Variants in KLHDC10 observed in about 807,000 individuals in gnomAD.
KLHDC10 encodes kelch domain-containing protein 10.
Under a neutral mutation model 56.1 loss-of-function variants are expected in KLHDC10, and 24 were observed. That is an observed-to-expected ratio of 0.43 (90% CI 0.31 to 0.60). The LOEUF is 0.60. Ranked by LOEUF, KLHDC10 falls within the 20% of genes least tolerant of loss-of-function variation. The pLI, the probability that KLHDC10 is intolerant of heterozygous loss-of-function variation, is 0.11. For missense variants in KLHDC10, 349 were observed against 567.0 expected (o/e 0.62, Z 3.91); for synonymous variants, 188 against 207.1 (o/e 0.91, Z 0.79).
At chr7:130,124,852 A>C (rs1231509523) in intron 6 of KLHDC10, among the ~76,000 whole-genome samples, 2 of 152,362 alleles carry the variant, frequency 1.3e-5, no homozygotes, top group East Asian at 3.9e-4. Flanking sequence ...CAGCATTATC[A>C]GAATGTCACA....
Position 130,099,948 on chromosome 7 carries a change from A to G in KLHDC10, c.253+2941A>G, listed in dbSNP as rs189278948. Among the ~76,000 whole-genome samples the G allele has an allele frequency of 1.4e-4, 22 of 152,180 alleles. No homozygotes were observed. In the East Asian group the frequency reaches 4.1e-3, roughly 28 times the overall value. ...TGTCTACATACACACACATGCACGCATGTACAATTAGCCGGGTGTGGTGGG... is the reference window on the plus strand; with the variant it reads ...TGTCTACATACACACACATGCACGCGTGTACAATTAGCCGGGTGTGGTGGG... On this transcript the variant is annotated intron_variant, in intron 2 of 9. Transcript: ENST00000335420.
chr7:130,114,005 G>T (rs56923656), intron 2 of KLHDC10, among the ~76,000 whole-genome samples: 22,564 of 152,082 alleles, frequency 0.15, 1,977 homozygotes, highest in East Asian at 0.31. Context: ...CAACACCCGT[G>T]CCTTAAACCA....
At chr7:130,112,982 A>G (rs1796121372) in intron 2 of KLHDC10, among the ~76,000 whole-genome samples, 1 of 152,238 alleles carries the variant, frequency 6.6e-6, no homozygotes, top group African/African-American at 2.4e-5. Context: ...ACATTTAAAA[A>G]AGTAAAACAG....
rs761257272 is a variant in KLHDC10 at position 130,116,739 on chromosome 7, T to C, written c.475+73T>C. 4 of 1,204,210 alleles carry C rather than the reference T, an allele frequency of 3.3e-6. No homozygotes were observed. The highest frequency in any genetic ancestry group is 4.9e-6 in the Non-Finnish European group (4 of 811,900). The allele number at this position is 1,204,210 out of a possible 1,614,324, so 74.6% of individuals were successfully genotyped here. A position where few individuals can be genotyped will look rare whatever the true frequency, so the allele number is the denominator to read the frequency against. On this transcript the variant is annotated intron_variant, in intron 3 of 9. Transcript: ENST00000335420. This position sits in a 1 kb window ranked among gnomAD's most constrained non-coding sequence, Gnocchi z 4.8. ...AGCCAGGTTCAATGTCCCATATTCC[T>C]CATTAATAATTTATAACACTATAAT...
At chr7:130,127,181 C>T (rs1345148592) in intron 7 of KLHDC10, among the ~76,000 whole-genome samples, 1 of 152,234 alleles carries the variant, frequency 6.6e-6, no homozygotes, top group Non-Finnish European at 1.5e-5. Context: ...CAACTCCTGT[C>T]CTTTCCCTCT....
Position 130,122,595 on chromosome 7 carries a change from G to A in KLHDC10, c.779+393G>A, listed in dbSNP as rs537471091. 3.3e-5 allele frequency among the ~76,000 whole-genome samples: 5 copies of A among 152,194 alleles called. No individual in the cohort carries two copies. In the East Asian group the frequency reaches 7.7e-4, roughly 24 times the overall value. On this transcript the variant is annotated intron_variant, in intron 5 of 9. Coordinates refer to ENST00000335420, the MANE Select transcript of KLHDC10 (RefSeq NM_014997.4). ...GAAAGGGTCTCACTCTGTCACCTAG[G>A]CTGGAGTACAGTGACATAATCATGG...
chr7:130,126,070 T>A lies in KLHDC10; in HGVS notation c.931+139T>A, dbSNP rs574063290. 299 of 654,306 alleles carry A rather than the reference T, an allele frequency of 4.6e-4. 1 individual carries two copies. The highest frequency in any genetic ancestry group is 1.3e-3 in the Middle Eastern group (3 of 2,312). 40.5% of individuals were successfully genotyped at this position (654,306 alleles called of 1,614,324 possible). A position where few individuals can be genotyped will look rare whatever the true frequency, so the allele number is the denominator to read the frequency against. ...GGCTGGGCGCATTGTCTCACGCCTA[T>A]AATCTCAGCACTTTGGGAGGCCAAG... On this transcript the variant is annotated intron_variant, in intron 7 of 9. Coordinates refer to ENST00000335420, the MANE Select transcript of KLHDC10 (RefSeq NM_014997.4).
chr7:130,093,701 T>TA (rs1795810462), intron 1 of KLHDC10, among the ~76,000 whole-genome samples: 1 of 152,202 alleles, frequency 6.6e-6, no homozygotes, highest in Non-Finnish European at 1.5e-5. Flanking sequence ...GTCACACTGT[T>TA]ATGTTGCTGG....
At chr7:130,080,038 C>T (rs901294756) in intron 1 of KLHDC10, among the ~76,000 whole-genome samples, 2 of 151,908 alleles carry the variant, frequency 1.3e-5, no homozygotes, top group African/African-American at 4.8e-5. Context: ...AATTCCTGGG[C>T]ACATGCCAAC....
intron 1 of KLHDC10, among the ~76,000 whole-genome samples, chr7:130,079,378 ATACT>A (rs758970011): frequency 1.1e-3 from 169 of 152,226 alleles, no homozygotes; most frequent in Non-Finnish European, 1.7e-3. Context: ...TTTTTAATAA[ATACT>A]TTATTTAAAA....
Position 130,073,293 on chromosome 7 carries a change from C to CTTT in KLHDC10, c.166+2502_166+2504dup, listed in dbSNP as rs768140763. Among the ~76,000 whole-genome samples the CTTT allele has an allele frequency of 4.9e-5, 6 of 122,936 alleles. No individual in the cohort carries two copies. In the East Asian group the frequency reaches 7.1e-4, roughly 15 times the overall value. The allele number at this position is 122,936 out of a possible 152,430, so 80.7% of individuals were successfully genotyped here. A position where few individuals can be genotyped will look rare whatever the true frequency, so the allele number is the denominator to read the frequency against. ...CTTTTGACCTCTAAATCCTATTTGT[C>CTTT]TTTTTTTTTTTTTTTTTTTTGAGAC... On this transcript the variant is annotated intron_variant, in intron 1 of 9. Coordinates refer to ENST00000335420, the MANE Select transcript of KLHDC10 (RefSeq NM_014997.4).
At chr7:130,110,429 A>C (rs1331653958) in intron 2 of KLHDC10, among the ~76,000 whole-genome samples, 1 of 152,214 alleles carries the variant, frequency 6.6e-6, no homozygotes, top group Non-Finnish European at 1.5e-5. Flanking sequence ...CAATGTGGTA[A>C]TGAGGGCCAG....
In KLHDC10 at chr7:130,120,823, G is replaced by C; in HGVS notation, c.550G>C (p.Val184Leu). The C allele has an allele frequency of 6.2e-7, 1 of 1,614,100 alleles. No homozygotes were observed. Among genetic ancestry groups the C allele is most frequent in the Non-Finnish European group, 8.5e-7 (1 of 1,179,998 alleles). Residue 184 changes from valine (V) to leucine (L), a missense_variant, in exon 4 of 10, where the codon GTC becomes CTC. Physicochemically the swap from Val to Leu is conservative, Grantham distance 32. Coordinates refer to ENST00000335420, the MANE Select transcript of KLHDC10 (RefSeq NM_014997.4). This position sits in a 1 kb window ranked among gnomAD's most constrained non-coding sequence, Gnocchi z 5.1. ...ATTTGGAGAGAGCAACGGCAATGACGTCCATGTGTGTAATGTGAAGTATAA... is the reference window on the plus strand; with the variant it reads ...ATTTGGAGAGAGCAACGGCAATGACCTCCATGTGTGTAATGTGAAGTATAA... ...IPFGESNGND[V>L]HVCNVKYKRW...
intron 1 of KLHDC10, among the ~76,000 whole-genome samples, chr7:130,082,264 TA>T (rs1795619172): frequency 6.6e-6 from 1 of 152,074 alleles, no homozygotes; most frequent in Admixed American, 6.6e-5. Context: ...GTTGGGGCTG[TA>T]GTGAGCCGAG....
Position 130,120,807 on chromosome 7 carries a change from G to C in KLHDC10, c.534G>C (p.Glu178Asp), listed in dbSNP as rs770159822. 6.2e-7 allele frequency: 1 copy of C among 1,614,164 alleles called. No individual in the cohort carries two copies. Among genetic ancestry groups the C allele is most frequent in the Non-Finnish European group, 8.5e-7 (1 of 1,180,006 alleles). Residue 178 changes from glutamate (E) to aspartate (D), a missense_variant, in exon 4 of 10, where the codon GAG becomes GAC. Physicochemically the swap from Glu to Asp is conservative, Grantham distance 45. Around this residue, in one of 2 missense-constraint regions of KLHDC10, gnomAD observed 245 missense variants for 470.1 expected, o/e 0.52. Transcript: ENST00000335420. The surrounding 1 kb of genome is among the most constrained non-coding windows in gnomAD (Gnocchi z 5.1). ...VFGGTGIPFG[E>D]SNGNDVHVCN... The stretch of plus-strand genomic sequence containing the variant: ...GAGGTACGGGCATCCCATTTGGAGA[G>C]AGCAACGGCAATGACGTCCATGTGT...
Position 130,132,671 on chromosome 7 carries a change from C to T in KLHDC10, c.*1925C>T, listed in dbSNP as rs1189472347. 1 of 152,366 alleles carries T rather than the reference C, an allele frequency of 6.6e-6. No homozygotes were observed. The highest frequency in any genetic ancestry group is 1.5e-5 in the Non-Finnish European group (1 of 68,168). The allele number at this position is 152,366 out of a possible 1,614,324, so 9.4% of individuals were successfully genotyped here. A position where few individuals can be genotyped will look rare whatever the true frequency, so the allele number is the denominator to read the frequency against. ...GCACTTAACCTCCTGCCACCACTGCCAGGCTTGCTCCTCCGTTCTCTCCCA... is the reference window on the plus strand; with the variant it reads ...GCACTTAACCTCCTGCCACCACTGCTAGGCTTGCTCCTCCGTTCTCTCCCA... On this transcript the variant is annotated 3_prime_UTR_variant, in exon 10 of 10. Coordinates refer to ENST00000335420, the MANE Select transcript of KLHDC10 (RefSeq NM_014997.4).
chr7:130,085,854 AAAT>A, intron 1 of KLHDC10, among the ~76,000 whole-genome samples: 1 of 151,106 alleles, frequency 6.6e-6, no homozygotes, highest in African/African-American at 2.4e-5. Flanking sequence ...AAAAAAAAAA[AAAT>A]TAACAACAAC....
chr7:130,106,896 G>C (rs1796014747), intron 2 of KLHDC10, among the ~76,000 whole-genome samples: 2 of 152,158 alleles, frequency 1.3e-5, no homozygotes, highest in African/African-American at 2.4e-5. Context: ...GCTTGAACCT[G>C]GGAGGTCAAG....
intron 3 of KLHDC10, among the ~76,000 whole-genome samples, chr7:130,119,843 TAAA>T (rs72549928): frequency 3.9e-5 from 3 of 76,962 alleles, no homozygotes; most frequent in Admixed American, 1.5e-4. Context: ...GACTCCGTCT[TAAA>T]AAAAAAAAAA....
Sources: allele counts gnomAD v4.1 joint callset (sites outside exome capture counted in the v4.1 genomes callset), GRCh38; gene constraint gnomAD v4.1.1; regional missense constraint gnomAD v4.1.1; non-coding constraint Gnocchi (gnomAD v3.1); transcripts MANE v1.5; gene names NCBI Gene and HGNC (gene_info 2026-07-23, HGNC 2026-07-21).